Variants in STPG2 observed in about 807,000 individuals in gnomAD.
STPG2 encodes the protein sperm tail PG-rich repeat containing 2, also known as sperm-tail PG-rich repeat-containing protein 2.
In STPG2, 56 loss-of-function variants were observed where a neutral mutation model predicts 54.2. The ratio of observed to expected loss-of-function variants is 1.03; its 90% CI spans 0.83 to 1.29. STPG2 has a LOEUF of 1.29. STPG2 is among the 50% of genes most tolerant of loss of function. The pLI is 0.00. For synonymous variants in STPG2, 200 were observed against 181.8 expected, an observed-to-expected ratio of 1.10 and a Z score of -0.81; for missense variants, 596 against 544.9, an observed-to-expected ratio of 1.09 and a Z score of -0.93.
At chr4:97,629,475 G>A (rs1352074834) in intron 10 of STPG2, among the ~76,000 whole-genome samples, 2 of 152,034 alleles carry the variant, frequency 1.3e-5, no homozygotes, top group African/African-American at 4.8e-5. Context: ...AAGATAACAG[G>A]AAGGAATGGC....
chr4:97,701,467 C>G (rs1251144655), intron 10 of STPG2, among the ~76,000 whole-genome samples: 1 of 152,098 alleles, frequency 6.6e-6, no homozygotes, highest in Non-Finnish European at 1.5e-5. Flanking sequence ...CCCCAATGCA[C>G]AGTTAACCAG....
intron 10 of STPG2, among the ~76,000 whole-genome samples, chr4:97,703,462 A>C (rs1273695102): frequency 7.0e-6 from 1 of 142,350 alleles, no homozygotes; most frequent in African/African-American, 2.6e-5. Flanking sequence ...TACACACACT[A>C]TATATATAGT....
chr4:97,674,023 T>C (rs1722770781), intron 10 of STPG2, among the ~76,000 whole-genome samples: 2 of 152,198 alleles, frequency 1.3e-5, no homozygotes. Context: ...CATATTATAA[T>C]GTATCCTTCA....
At chr4:97,988,644 T>TAAC (rs1734899364) in intron 5 of STPG2, among the ~76,000 whole-genome samples, 1 of 152,352 alleles carries the variant, frequency 6.6e-6, no homozygotes, top group East Asian at 1.9e-4. Flanking sequence ...TCTCACTCTG[T>TAAC]TACCCAGGCT....
chr4:97,565,380 T>C (rs1055824824), intron 10 of STPG2, among the ~76,000 whole-genome samples: 4 of 152,158 alleles, frequency 2.6e-5, no homozygotes, highest in Admixed American at 2.0e-4. Context: ...TTGGTTTGAA[T>C]TTCCTCCTGT....
At chr4:97,822,756 G>A (rs976819899) in intron 9 of STPG2, among the ~76,000 whole-genome samples, 21 of 152,206 alleles carry the variant, frequency 1.4e-4, no homozygotes, top group Admixed American at 1.3e-3. Flanking sequence ...TAAATGACCA[G>A]ATCTCATAAA....
At chr4:97,895,613 A>G (rs1161287735) in intron 8 of STPG2, among the ~76,000 whole-genome samples, 1 of 151,780 alleles carries the variant, frequency 6.6e-6, no homozygotes, top group African/African-American at 2.4e-5. Context: ...CTAGACCTAG[A>G]TTTTACATGC....
chr4:98,096,540 C>G (rs941660799), intron 5 of STPG2, among the ~76,000 whole-genome samples: 1 of 151,920 alleles, frequency 6.6e-6, no homozygotes, highest in Non-Finnish European at 1.5e-5. Flanking sequence ...AGATAAAGAA[C>G]CTAATGATGC....
At chr4:97,696,034 C>CA (rs977008677) in intron 10 of STPG2, among the ~76,000 whole-genome samples, 100 of 151,732 alleles carry the variant, frequency 6.6e-4, no homozygotes, top group African/African-American at 2.4e-3. Context: ...CATATGAAAC[C>CA]AAAAAAAGAG....
At chr4:97,457,486 C>G (rs1004261622) in intron 4 of STPG2, among the ~76,000 whole-genome samples, 1 of 152,162 alleles carries the variant, frequency 6.6e-6, no homozygotes, top group Non-Finnish European at 1.5e-5. Flanking sequence ...CCCCTTTAGC[C>G]AAGCAAATAT....
chr4:98,051,218 C>A (rs1360647403), intron 5 of STPG2, among the ~76,000 whole-genome samples: 1 of 152,098 alleles, frequency 6.6e-6, no homozygotes, highest in Non-Finnish European at 1.5e-5. Context: ...TTAATTCTAT[C>A]AAAGTTAAAG....
chr4:97,952,950 A>T (rs1470318129), intron 7 of STPG2, among the ~76,000 whole-genome samples: 1 of 152,164 alleles, frequency 6.6e-6, no homozygotes, highest in Non-Finnish European at 1.5e-5. Flanking sequence ...TGCTTGCAAA[A>T]GAGTCTCAGT....
Position 97,855,747 on chromosome 4 carries a change from G to C in STPG2, c.1045-14815C>G, listed in dbSNP as rs185391425. ...TATCATGAAATCTTTGTCCATGCCT[G>C]TGTCCTAAATGGTATTGCCTAAATT... is the stretch of plus-strand genomic sequence containing the variant. On this transcript the variant is annotated intron_variant, in intron 8 of 10. Transcript: ENST00000295268. Among the ~76,000 whole-genome samples the C allele has an allele frequency of 3.9e-5, 6 of 152,186 alleles. No individual in the cohort carries two copies. The East Asian group carries it at 1.2e-3, about 29-fold the overall frequency.
chr4:97,823,174 A>G (rs551510797), intron 9 of STPG2, among the ~76,000 whole-genome samples: 3 of 152,358 alleles, frequency 2.0e-5, no homozygotes, highest in East Asian at 1.9e-4. Flanking sequence ...AAGATTTTCA[A>G]TGTAGACAAA....
chr4:97,872,284 C>T (rs1429235041), intron 8 of STPG2, among the ~76,000 whole-genome samples: 1 of 150,992 alleles, frequency 6.6e-6, no homozygotes, highest in Admixed American at 6.6e-5. Flanking sequence ...AAAGTATTAG[C>T]CTGTGCAGGA....
intron 8 of STPG2, among the ~76,000 whole-genome samples, chr4:97,891,703 T>C (rs1262895268): frequency 2.6e-5 from 4 of 152,224 alleles, no homozygotes; most frequent in South Asian, 2.1e-4. Flanking sequence ...AGAAAAATAA[T>C]GTAAAACTTT....
At chr4:97,491,207 C>T (rs763775729) in intron 4 of STPG2, among the ~76,000 whole-genome samples, 5 of 151,408 alleles carry the variant, frequency 3.3e-5, no homozygotes, top group Admixed American at 1.3e-4. Flanking sequence ...AGTTACTCCA[C>T]AGAAAGCCCA....
In STPG2 at chr4:97,699,624, C is replaced by A. The variant is rs374159343; in HGVS notation, c.1320+13075G>T. 3.6e-4 allele frequency among the ~76,000 whole-genome samples: 55 copies of A among 152,330 alleles called. 1 individual carries two copies. The South Asian group carries it at 0.011, about 30-fold the overall frequency. Reference sequence around the variant, plus strand: ...CAGGTGCACTGCTCAAAGTTCTGCCCACTGAGGAGAGTTCCCTTCACTGCT... The same window carrying A: ...CAGGTGCACTGCTCAAAGTTCTGCCAACTGAGGAGAGTTCCCTTCACTGCT... On this transcript the variant is annotated intron_variant, in intron 10 of 10. Transcript: ENST00000295268.
intron 5 of STPG2, among the ~76,000 whole-genome samples, chr4:98,040,794 G>A (rs1736930046): frequency 6.6e-6 from 1 of 151,728 alleles, no homozygotes; most frequent in Non-Finnish European, 1.5e-5. Context: ...GGATTGCCTT[G>A]GATAGTCGAG....
Sources: gnomAD v4.1 joint callset for allele counts (sites outside exome capture counted in the v4.1 genomes callset) on GRCh38, gnomAD v4.1.1 for gene constraint, MANE v1.5 for transcripts, NCBI Gene and HGNC (gene_info 2026-07-23, HGNC 2026-07-21) for gene names.